The following GLMN variants were observed in gnomAD, a reference collection of about 807,000 sequenced individuals.
GLMN encodes glomulin, FKBP associated protein.
GLMN carries 75 observed loss-of-function variants against 87.8 expected under a neutral mutation model. The ratio of observed to expected loss-of-function variants is 0.85; its 90% CI spans 0.71 to 1.04. GLMN has a LOEUF of 1.04. Ranked by LOEUF, GLMN falls within the 50% of genes least tolerant of loss-of-function variation. GLMN has a pLI of 0.00. For synonymous variants in GLMN, 206 were observed against 221.6 expected (o/e 0.93, Z 0.63); for missense variants, 588 against 658.8 (o/e 0.89, Z 1.18).
the GLMN span, among the ~76,000 whole-genome samples, chr1:92,329,985 A>G: frequency 6.6e-6 from 1 of 152,242 alleles, no homozygotes; most frequent in African/African-American, 2.4e-5. Flanking sequence ...TACACTAATC[A>G]TAGTTTGAGA....
the GLMN span, among the ~76,000 whole-genome samples, chr1:92,359,328 T>C: frequency 6.6e-6 from 1 of 152,226 alleles, no homozygotes; most frequent in Non-Finnish European, 1.5e-5. Context: ...TATTTATTTA[T>C]TTATTTATGA....
intron 16 of GLMN, among the ~76,000 whole-genome samples, chr1:92,250,846 T>TACATACAGTAAAATATA (rs1653385162): frequency 6.6e-6 from 1 of 152,194 alleles, no homozygotes; most frequent in Admixed American, 6.5e-5. Flanking sequence ...AGATATTGTT[T>TACATACAGTAAAATATA]ACATACAGTA....
intron 16 of GLMN, chr1:92,248,216 G>A (rs1652954461): frequency 2.5e-6 from 1 of 402,272 alleles, no homozygotes; most frequent in Admixed American, 4.2e-5. Flanking sequence ...GATAGCTCCA[G>A]GTTTTGAGAT....
At chr1:92,266,919 T>C (rs1655703166) in intron 11 of GLMN, among the ~76,000 whole-genome samples, 178 bp from the exon 12 acceptor site, 1 of 152,182 alleles carries the variant, frequency 6.6e-6, no homozygotes, top group Non-Finnish European at 1.5e-5. Flanking sequence ...TACAATTGAT[T>C]TTTTAAGTGA....
chr1:92,252,413 T>C (rs950898020), intron 16 of GLMN, among the ~76,000 whole-genome samples: 10 of 152,092 alleles, frequency 6.6e-5, no homozygotes, highest in African/African-American at 1.2e-4. Flanking sequence ...AAAAAATTAA[T>C]ATAAATTTAA....
chr1:92,273,695 A>G (rs1656501170), intron 7 of GLMN, among the ~76,000 whole-genome samples: 1 of 151,690 alleles, frequency 6.6e-6, no homozygotes. Flanking sequence ...GGCTTAAGTG[A>G]TCTGCCCACC....
chr1:92,330,550 C>T, the GLMN span, among the ~76,000 whole-genome samples: 1 of 145,628 alleles, frequency 6.9e-6, no homozygotes, highest in African/African-American at 2.6e-5. Context: ...TGGGTTCGAG[C>T]GATTTTCCTG....
the GLMN span, among the ~76,000 whole-genome samples, chr1:92,318,127 T>C: frequency 6.6e-6 from 1 of 152,224 alleles, no homozygotes; most frequent in Non-Finnish European, 1.5e-5. Flanking sequence ...GATTACAGTG[T>C]CCTCTTAAAC....
At chr1:92,252,437 TCTA>T (rs1429675277) in intron 16 of GLMN, among the ~76,000 whole-genome samples, 2 of 152,090 alleles carry the variant, frequency 1.3e-5, no homozygotes, top group African/African-American at 4.8e-5. Context: ...GTCACATGTG[TCTA>T]CTGTCTACTG....
chr1:92,268,823 C>T (rs1213513719), intron 9 of GLMN, among the ~76,000 whole-genome samples: 1 of 151,774 alleles, frequency 6.6e-6, no homozygotes, highest in East Asian at 1.9e-4. Flanking sequence ...AAACATGTTA[C>T]ATGTTATAGT....
chr1:92,298,169 G>T, intron 1 of GLMN, 140 bp from the exon 2 acceptor site: 1 of 586,532 alleles, frequency 1.7e-6, no homozygotes, highest in Non-Finnish European at 3.1e-6. Flanking sequence ...TGGTCCAATA[G>T]CATGCTAGGA....
At chr1:92,324,495 T>C in the GLMN span, 24 of 767,984 alleles carry the variant, frequency 3.1e-5, no homozygotes, top group Non-Finnish European at 4.7e-5. Flanking sequence ...ATAGTTTCTT[T>C]AGTCATTCTG....
At chr1:92,304,148 A>G in the GLMN span, 6 of 1,296,518 alleles carry the variant, frequency 4.6e-6, no homozygotes, top group Non-Finnish European at 5.5e-6. Context: ...TTGTAAGAAT[A>G]AGAAATAAAA....
At chr1:92,323,002 C>T in the GLMN span, among the ~76,000 whole-genome samples, 1 of 143,896 alleles carries the variant, frequency 6.9e-6, no homozygotes, top group African/African-American at 2.5e-5. Context: ...AATATGTGTA[C>T]ATATAAATAT....
intron 7 of GLMN, among the ~76,000 whole-genome samples, chr1:92,281,492 C>T (rs1199036353): frequency 1.3e-5 from 2 of 152,166 alleles, no homozygotes; most frequent in Non-Finnish European, 2.9e-5. Flanking sequence ...ATAGGAACGA[C>T]CGGTACCAGC....
At chr1:92,309,556 C>T in the GLMN span, among the ~76,000 whole-genome samples, 27 of 70,410 alleles carry the variant, frequency 3.8e-4, no homozygotes, top group African/African-American at 1.4e-3. Flanking sequence ...CATACACATA[C>T]ACATACACAT....
the GLMN span, among the ~76,000 whole-genome samples, chr1:92,305,165 G>C: frequency 6.6e-6 from 1 of 151,790 alleles, no homozygotes; most frequent in African/African-American, 2.4e-5. Flanking sequence ...GGGCGCCCTG[G>C]CTCAAGCCTG....
intron 16 of GLMN, among the ~76,000 whole-genome samples, chr1:92,254,873 T>TAAC (rs1654013744): frequency 6.6e-6 from 1 of 151,840 alleles, no homozygotes; most frequent in Non-Finnish European, 1.5e-5. Context: ...AATAACCAGC[T>TAAC]AGCATAATGA....
chr1:92,345,115 A>G, the GLMN span, among the ~76,000 whole-genome samples: 4 of 152,128 alleles, frequency 2.6e-5, no homozygotes, highest in Non-Finnish European at 5.9e-5. Flanking sequence ...TCATTTCTGT[A>G]AATTATGCAT....
Sources: allele counts gnomAD v4.1 joint callset (sites outside exome capture counted in the v4.1 genomes callset), GRCh38; gene constraint gnomAD v4.1.1; transcripts MANE v1.5; gene names NCBI Gene and HGNC (gene_info 2026-07-23, HGNC 2026-07-21).